The following DCDC1 variants were observed in gnomAD, a reference collection of about 807,000 sequenced individuals.
DCDC1 encodes the protein doublecortin domain-containing protein 1.
A neutral mutation model predicts 178.3 loss-of-function variants in DCDC1; 200 were observed. The ratio of observed to expected loss-of-function variants is 1.12; its 90% CI spans 1.00 to 1.26. The LOEUF is 1.26. Ranked by LOEUF, DCDC1 falls within the 50% of genes most tolerant of loss-of-function variation. The pLI is 0.00. For synonymous variants in DCDC1, 690 were observed against 604.8 expected (o/e 1.14, Z -2.07); for missense variants, 1,983 against 1,749.2 (o/e 1.13, Z -2.38).
Position 31,147,153 on chromosome 11 carries a change from A to C in DCDC1, c.1222-9369T>G, listed in dbSNP as rs555444030. Among the ~76,000 whole-genome samples, 32 of 152,108 alleles carry C rather than the reference A, an allele frequency of 2.1e-4. 2 individuals are homozygous for C. In the South Asian group the frequency reaches 6.2e-3, roughly 30 times the overall value. On this transcript the variant is annotated intron_variant, in intron 9 of 38. Transcript: ENST00000684477. ...TGAGTTTTATTCTCCCTTTTCTTAG[A>C]CTTCTTCCTGTATTTCCTCTAGGAC... is the stretch of plus-strand genomic sequence containing the variant.
At chr11:30,881,060 T>A in intron 37 of DCDC1, 98 bp downstream of exon 37, 1 of 1,348,782 alleles carries the variant, frequency 7.4e-7, no homozygotes, top group Non-Finnish European at 1.0e-6. Context: ...AGGGGATAAT[T>A]ATTAAAAATC....
At chr11:30,906,426 G>A in intron 30 of DCDC1, 114 bp downstream of exon 30, 1 of 1,065,898 alleles carries the variant, frequency 9.4e-7, no homozygotes. Context: ...GTGCATCTGA[G>A]GAAGATGAAT....
At chr11:31,230,609 G>A (rs1975642866) in intron 9 of DCDC1, among the ~76,000 whole-genome samples, 1 of 152,096 alleles carries the variant, frequency 6.6e-6, no homozygotes, top group Admixed American at 6.6e-5. Context: ...GACACCATCT[G>A]TCTCAAAGGA....
intron 9 of DCDC1, among the ~76,000 whole-genome samples, chr11:31,159,472 C>G (rs1415018344): frequency 6.6e-6 from 1 of 152,124 alleles, no homozygotes; most frequent in Non-Finnish European, 1.5e-5. Flanking sequence ...TAGCTCAATA[C>G]TACTACTATC....
At chr11:30,902,696 C>T (rs1417536520) in intron 32 of DCDC1, among the ~76,000 whole-genome samples, 2 of 152,108 alleles carry the variant, frequency 1.3e-5, no homozygotes, top group Non-Finnish European at 2.9e-5. Flanking sequence ...GGCCATTGAG[C>T]TAGCAAGTGA....
chr11:31,123,688 C>A (rs1373763316), intron 11 of DCDC1, among the ~76,000 whole-genome samples: 2 of 151,660 alleles, frequency 1.3e-5, no homozygotes, highest in African/African-American at 2.4e-5. Flanking sequence ...AAAGGAGAAA[C>A]CTGAGAAGAG....
At chr11:31,217,530 A>G (rs1484530444) in intron 9 of DCDC1, among the ~76,000 whole-genome samples, 1 of 152,178 alleles carries the variant, frequency 6.6e-6, no homozygotes, top group African/African-American at 2.4e-5. Flanking sequence ...ATAGAAAACT[A>G]GAAGCACCTC....
intron 24 of DCDC1, 109 bp downstream of exon 24, chr11:30,922,394 C>T: frequency 7.9e-7 from 1 of 1,270,826 alleles, no homozygotes. Context: ...CAGCAAGATG[C>T]AGAGGTGAAA....
At chr11:30,925,877 T>C (rs933886450) in intron 22 of DCDC1, among the ~76,000 whole-genome samples, 1 of 152,158 alleles carries the variant, frequency 6.6e-6, no homozygotes, top group Non-Finnish European at 1.5e-5. Context: ...GTCACCAAGT[T>C]CCTCAGCTCC....
chr11:31,291,685 T>C (rs970554522), intron 6 of DCDC1, among the ~76,000 whole-genome samples: 4 of 152,116 alleles, frequency 2.6e-5, no homozygotes, highest in African/African-American at 9.7e-5. Flanking sequence ...TTTAATCATA[T>C]TTTCTTCTTA....
At chr11:31,088,802 G>T (rs1343737451) in intron 17 of DCDC1, among the ~76,000 whole-genome samples, 1 of 151,922 alleles carries the variant, frequency 6.6e-6, no homozygotes, top group East Asian at 1.9e-4. Context: ...CTATAGCCTC[G>T]ACCTCCTGCC....
intron 38 of DCDC1, among the ~76,000 whole-genome samples, chr11:30,873,648 A>G (rs1053575256): frequency 6.6e-6 from 1 of 152,156 alleles, no homozygotes; most frequent in Non-Finnish European, 1.5e-5. Flanking sequence ...CTTGCTAACT[A>G]GACTTAGGGC....
chr11:31,036,566 AG>A (rs1461809316), intron 20 of DCDC1, among the ~76,000 whole-genome samples: 2 of 152,232 alleles, frequency 1.3e-5, no homozygotes, highest in African/African-American at 4.8e-5. Context: ...CACAACATAC[AG>A]GCTTTATGAA....
chr11:31,363,217 T>C (rs757029636), intron 1 of DCDC1, among the ~76,000 whole-genome samples: 117 of 152,228 alleles, frequency 7.7e-4, no homozygotes, highest in Non-Finnish European at 1.3e-3. Context: ...TTTTACTTCA[T>C]GTAATTTTAG....
intron 20 of DCDC1, among the ~76,000 whole-genome samples, chr11:31,004,518 GA>G (rs11461869): frequency 0.015 from 2,043 of 138,232 alleles, 51 homozygotes; most frequent in African/African-American, 0.049. Flanking sequence ...CTAAACATAC[GA>G]AAAAAAAAAA....
intron 11 of DCDC1, among the ~76,000 whole-genome samples, chr11:31,115,981 T>TGGGCG (rs1555066670): frequency 2.6e-5 from 1 of 38,092 alleles, no homozygotes; most frequent in African/African-American, 6.5e-5. Flanking sequence ...GCTGTGGCAG[T>TGGGCG]GGGGGGGGGG....
At chr11:31,069,024 T>C (rs1206715351) in intron 18 of DCDC1, among the ~76,000 whole-genome samples, 2 of 152,098 alleles carry the variant, frequency 1.3e-5, no homozygotes, top group Admixed American at 6.5e-5. Flanking sequence ...GCTAATTTTT[T>C]GTATTTTTAG....
At chr11:30,865,825 G>C (rs991859401) in intron 38 of DCDC1, among the ~76,000 whole-genome samples, 1 of 151,974 alleles carries the variant, frequency 6.6e-6, no homozygotes, top group Non-Finnish European at 1.5e-5. Context: ...ACATAAAAGA[G>C]AGAGGCATGT....
intron 20 of DCDC1, among the ~76,000 whole-genome samples, chr11:31,045,127 C>A (rs1004006266): frequency 6.6e-6 from 1 of 151,816 alleles, no homozygotes; most frequent in Non-Finnish European, 1.5e-5. Flanking sequence ...TTTGTAGTCT[C>A]ATAAATATAC....
Sources: gnomAD v4.1 joint callset for allele counts (sites outside exome capture counted in the v4.1 genomes callset) on GRCh38, gnomAD v4.1.1 for gene constraint, MANE v1.5 for transcripts, NCBI Gene and HGNC (gene_info 2026-07-23, HGNC 2026-07-21) for gene names.